The following BSN variants were observed in gnomAD, a reference collection of about 807,000 sequenced individuals.
BSN encodes the protein protein bassoon.
BSN carries 57 observed loss-of-function variants against 264.8 expected under a neutral mutation model. That is an observed-to-expected ratio of 0.22 (90% confidence interval 0.17 to 0.27). BSN has a LOEUF of 0.27. Among genes scored for constraint, BSN ranks in the 10% least tolerant of loss-of-function variants. The pLI is 1.00. For missense variants in BSN, 4,615 were observed against 5,232.5 expected, an observed-to-expected ratio of 0.88 and a Z score of 3.64; for synonymous variants, 2,059 against 2,137.3, an observed-to-expected ratio of 0.96 and a Z score of 1.01.
intron 1 of BSN, among the ~76,000 whole-genome samples, chr3:49,619,699 G>A (rs890859008): frequency 6.6e-6 from 1 of 152,172 alleles, no homozygotes; most frequent in African/African-American, 2.4e-5. Flanking sequence ...TGGTACGGCT[G>A]GGGGTGTAGC....
At chr3:49,630,847 A>G (rs2052379525) in intron 2 of BSN, among the ~76,000 whole-genome samples, 1 of 152,102 alleles carries the variant, frequency 6.6e-6, no homozygotes, top group Admixed American at 6.5e-5. Flanking sequence ...CAGGAAAGGG[A>G]GGTGATGGAA....
At chr3:49,591,747 C>T (rs2051979365) in intron 1 of BSN, among the ~76,000 whole-genome samples, 1 of 152,022 alleles carries the variant, frequency 6.6e-6, no homozygotes, top group Admixed American at 6.6e-5. Flanking sequence ...TGCCACTATG[C>T]CCAACTAATT....
intron 1 of BSN, among the ~76,000 whole-genome samples, chr3:49,577,592 C>T (rs1381051676): frequency 1.3e-5 from 2 of 150,120 alleles, no homozygotes; most frequent in East Asian, 3.9e-4. Context: ...CAGGCTGGAG[C>T]TCAGTGGCAT....
intron 1 of BSN, among the ~76,000 whole-genome samples, chr3:49,576,628 G>T (rs1405513452): frequency 6.6e-6 from 1 of 151,894 alleles, no homozygotes; most frequent in African/African-American, 2.4e-5. Flanking sequence ...CACCATGTTG[G>T]CCAGGCTGGT....
chr3:49,614,989 G>C (rs984655116), intron 1 of BSN, among the ~76,000 whole-genome samples: 1 of 152,162 alleles, frequency 6.6e-6, no homozygotes, highest in South Asian at 2.1e-4. Flanking sequence ...GATGCTGGCA[G>C]CTTCTTCTAG....
chr3:49,664,283 CTCTT>C (rs2052692051), intron 8 of BSN, 136 bp from the exon 9 acceptor site: 14 of 1,117,168 alleles, frequency 1.3e-5, no homozygotes, highest in Non-Finnish European at 1.8e-5. Flanking sequence ...TTACCTTCTT[CTCTT>C]TATTTCCCTA....
rs753423064 is a variant in BSN at position 49,663,100 on chromosome 3, G to A, written c.10942G>A (p.Gly3648Ser). 6.2e-6 allele frequency: 10 copies of A among 1,611,888 alleles called. No individual in the cohort carries two copies. Among genetic ancestry groups the A allele is most frequent in the Non-Finnish European group, 8.5e-6 (10 of 1,179,646 alleles). The change falls in exon 7 of 12, where the codon GGT (glycine) becomes AGT (serine). Residue 3648 changes from glycine (G) to serine (S), a missense_variant. This residue lies in a region of BSN where 3,415 missense variants were observed against 3,866.4 expected (regional missense o/e 0.88). Coordinates refer to ENST00000296452, the MANE Select transcript of BSN (RefSeq NM_003458.4). ...TGCCTCAGCCAAGGAACACCGGCAC[G>A]GTGACCACGGGCGGCACTCAGGCCG... ...RHASAKEHRH[G>S]DHGRHSGRHT...
chr3:49,658,386 G>A, intron 5 of BSN, among the ~76,000 whole-genome samples, 190 bp downstream of exon 5: 1 of 152,088 alleles, frequency 6.6e-6, no homozygotes, highest in Non-Finnish European at 1.5e-5. Flanking sequence ...CAGACAGCCT[G>A]GCAGATACAG....
chr3:49,575,058 C>T (rs2051832254), intron 1 of BSN, among the ~76,000 whole-genome samples: 1 of 151,958 alleles, frequency 6.6e-6, no homozygotes, highest in Admixed American at 6.6e-5. Flanking sequence ...AAAAATTATA[C>T]AAGTAAGGCC....
chr3:49,601,010 C>T (rs2052069333), intron 1 of BSN, among the ~76,000 whole-genome samples: 1 of 152,224 alleles, frequency 6.6e-6, no homozygotes, highest in South Asian at 2.1e-4. Context: ...AATGGCCCCC[C>T]AGGAATGAGG....
At position 49,642,027 on chromosome 3, in the gene BSN, TG is replaced by T. The variant is rs1200931796; in HGVS notation, c.634-237del. On this transcript the variant is annotated intron_variant, in intron 2 of 11. Coordinates refer to ENST00000296452, the MANE Select transcript of BSN (RefSeq NM_003458.4). This position sits in a 1 kb window ranked among gnomAD's most constrained non-coding sequence, Gnocchi z 7.0. ...GTCTGGCAGGCAGTGAGTTGGTGGT[TG>T]GGGTGGGGTGGGGGATGGGACTGCC... Among the ~76,000 whole-genome samples the T allele has an allele frequency of 1.8e-5, 2 of 111,064 alleles. No homozygotes were observed. The highest frequency in any genetic ancestry group is 5.8e-4 in the East Asian group (2 of 3,462). The allele number at this position is 111,064 out of a possible 152,430, so 72.9% of individuals were successfully genotyped here.
chr3:49,660,690 C>T lies in BSN; in HGVS notation c.8845C>T (p.Arg2949Trp), dbSNP rs2052646625. Residue 2949 changes from arginine to tryptophan, a missense_variant, in exon 6 of 12, where the codon CGG becomes TGG. This residue lies in a region of BSN where 3,415 missense variants were observed against 3,866.4 expected (regional missense o/e 0.88). Coordinates refer to ENST00000296452, the MANE Select transcript of BSN (RefSeq NM_003458.4). This position sits in a 1 kb window ranked among gnomAD's most constrained non-coding sequence, Gnocchi z 7.1. ...SLLRELDRDLRLVEHESTKLR... is the reference protein window; with the variant it reads ...SLLRELDRDLWLVEHESTKLR... ...GCTCCGGGAGCTGGACCGGGACCTG[C>T]GGCTGGTGGAGCATGAGTCCACCAA... 10 of 1,613,070 alleles carry T rather than the reference C, an allele frequency of 6.2e-6. No individual in the cohort carries two copies. Among genetic ancestry groups the T allele is most frequent in the Middle Eastern group, 1.6e-4 (1 of 6,062 alleles).
intron 1 of BSN, among the ~76,000 whole-genome samples, chr3:49,596,516 T>C (rs965093146): frequency 6.6e-6 from 1 of 152,160 alleles, no homozygotes; most frequent in African/African-American, 2.4e-5. Context: ...TTAAAAAAGT[T>C]TTTGTAATTT....
At position 49,638,531 on chromosome 3, in the gene BSN, ATGCTGGGCCTGAGCC is replaced by A. The variant is rs148670862; in HGVS notation, c.634-3734_634-3720del. ...CAGTGTCCTCCTTAGGAGGCCTTGC[ATGCTGGGCCTGAGCC>A]TGGGAGGGGCTGTGGGGAGGGTGCG... On this transcript the variant is annotated intron_variant, in intron 2 of 11. Coordinates refer to ENST00000296452, the MANE Select transcript of BSN (RefSeq NM_003458.4). This position sits in a 1 kb window ranked among gnomAD's most constrained non-coding sequence, Gnocchi z 4.3. Among the ~76,000 whole-genome samples, 635 of 152,298 alleles carry A rather than the reference ATGCTGGGCCTGAGCC, an allele frequency of 4.2e-3. 7 individuals carry two copies. Among genetic ancestry groups the A allele is most frequent in the African/African-American group, 0.015 (606 of 41,570 alleles).
intron 2 of BSN, among the ~76,000 whole-genome samples, chr3:49,627,289 C>A (rs1310758286): frequency 6.6e-6 from 1 of 152,154 alleles, no homozygotes; most frequent in Non-Finnish European, 1.5e-5. Flanking sequence ...TTCCATGGCA[C>A]CCAGTTTGGG....
chr3:49,562,775 G>C (rs1290908446), intron 1 of BSN, among the ~76,000 whole-genome samples: 4 of 152,160 alleles, frequency 2.6e-5, no homozygotes, highest in Non-Finnish European at 5.9e-5. Context: ...AGTGGGAAAG[G>C]GTCAGAAAGT....
downstream of BSN, among the ~76,000 whole-genome samples, chr3:49,672,835 A>T (rs1392950772): frequency 1.5e-5 from 2 of 134,074 alleles, no homozygotes; most frequent in Admixed American, 1.6e-4. Context: ...GATGGAGTGC[A>T]GTGGCGCGAT....
Position 49,642,696 on chromosome 3 carries a change from C to T in BSN, c.1062C>T (p.Gly354=), listed in dbSNP as rs202097348. 2.1e-4 allele frequency: 338 copies of T among 1,613,052 alleles called. 2 individuals are homozygous for T. In the South Asian group the frequency reaches 2.3e-3, roughly 11 times the overall value. Reference sequence around the variant, plus strand: ...TCACTGGTAAGCTCTTCGGCCTTGGCGCGTCACTGCTAACCCAGGCGAGCA... The same window carrying T: ...TCACTGGTAAGCTCTTCGGCCTTGGTGCGTCACTGCTAACCCAGGCGAGCA... The part of the protein sequence containing the change: ...EGLTGKLFGL[G]ASLLTQASTL... The change falls in exon 3 of 12, where the codon GGC becomes GGT. Residue 354 remains glycine (G), a synonymous_variant. Coordinates refer to ENST00000296452, the MANE Select transcript of BSN (RefSeq NM_003458.4). The surrounding 1 kb of genome is among the most constrained non-coding windows in gnomAD (Gnocchi z 7.0).
At chr3:49,664,575 G>A (rs372377460) in intron 9 of BSN, 21 bp downstream of exon 9, 29 of 1,578,708 alleles carry the variant, frequency 1.8e-5, no homozygotes, top group Non-Finnish European at 2.3e-5. Flanking sequence ...CCTGCAACTG[G>A]TCTGTGGTGG....
Sources: gnomAD v4.1 joint callset for allele counts (sites outside exome capture counted in the v4.1 genomes callset) on GRCh38, gnomAD v4.1.1 for gene constraint, gnomAD v4.1.1 regional missense constraint, Gnocchi (gnomAD v3.1) non-coding constraint, MANE v1.5 for transcripts, NCBI Gene and HGNC (gene_info 2026-07-23, HGNC 2026-07-21) for gene names.